The following PDE6B variants were observed in gnomAD, a reference collection of about 807,000 sequenced individuals.
The protein encoded by PDE6B is rod cGMP-specific 3',5'-cyclic phosphodiesterase subunit beta.
Under a neutral mutation model 109.0 loss-of-function variants are expected in PDE6B, and 106 were observed. The observed-to-expected ratio is 0.97, with a 90% CI of 0.83 to 1.14. The LOEUF (loss-of-function observed/expected upper bound fraction) is 1.14, where lower values mean the gene tolerates loss of function less well. PDE6B is among the 50% of genes most tolerant of loss of function. PDE6B has a pLI of 0.00. For synonymous variants in PDE6B, 490 were observed against 471.3 expected (o/e 1.04, Z -0.51); for missense variants, 1,193 against 1,155.6 (o/e 1.03, Z -0.47).
Position 625,648 on chromosome 4 carries a change from G to A in PDE6B, c.22G>A (p.Ala8Thr), listed in dbSNP as rs750974030. 3.1e-6 allele frequency: 5 copies of A among 1,613,610 alleles called. No individual in the cohort carries two copies. Among genetic ancestry groups the A allele is most frequent in the Non-Finnish European group, 4.2e-6 (5 of 1,179,612 alleles). ...CACCATGAGCCTCAGTGAGGAGCAG[G>A]CCCGGAGCTTTCTGGACCAGAACCC... MSLSEEQ[A>T]RSFLDQNPDF... Residue 8 changes from alanine (A) to threonine (T), a missense_variant, in exon 1 of 22, where the codon GCC (alanine) becomes ACC (threonine). Physicochemically the swap from Ala to Thr is moderately conservative, Grantham distance 58. Coordinates refer to ENST00000496514, the MANE Select transcript of PDE6B (RefSeq NM_000283.4). This position sits in a 1 kb window ranked among gnomAD's most constrained non-coding sequence, Gnocchi z 5.0.
intron 3 of PDE6B, among the ~76,000 whole-genome samples, chr4:642,073 G>C (rs891419388): frequency 6.6e-6 from 1 of 152,152 alleles, no homozygotes; most frequent in Admixed American, 6.5e-5. Context: ...TATTGCACTA[G>C]CTAGGACTTC....
chr4:669,513 A>C, intron 21 of PDE6B, among the ~76,000 whole-genome samples: 1 of 101,240 alleles, frequency 9.9e-6, no homozygotes, highest in Non-Finnish European at 2.0e-5. Context: ...TATTCCCACT[A>C]CCCCATGCTA....
rs574098823 is a variant in PDE6B, at chr4:634,690, G to T, written c.482G>T (p.Ser161Ile). The T allele has an allele frequency of 6.2e-7, 1 of 1,613,214 alleles. No individual in the cohort carries two copies. The highest frequency in any genetic ancestry group is 8.5e-7 in the Non-Finnish European group (1 of 1,179,132). Reference protein sequence around the residue: ...VEDVAECPHFSSFADELTDYK... With the variant: ...VEDVAECPHFISFADELTDYK... The stretch of plus-strand genomic sequence containing the variant: ...CTCTTGCGGCAGTGCCCTCACTTCA[G>T]CTCATTTGCTGACGAGCTCACTGAC... Residue 161 changes from serine to isoleucine, a missense_variant, in exon 2 of 22, where the codon AGC becomes ATC. Ser to Ile is a moderately radical substitution (Grantham distance 142). Coordinates refer to ENST00000496514, the MANE Select transcript of PDE6B (RefSeq NM_000283.4).
At position 662,388 on chromosome 4, in the gene PDE6B, C is replaced by G. The variant is rs1246255027; in HGVS notation, c.1723-121C>G. ...CCCTCTGACACCGTGCACCGCGCAC[C>G]CCAGCCCTGCGGTGGTCGGAGGTCC... On this transcript the variant is annotated intron_variant, in intron 13 of 21. Transcript: ENST00000496514. This position sits in a 1 kb window ranked among gnomAD's most constrained non-coding sequence, Gnocchi z 4.3. 1.2e-6 allele frequency: 1 copy of G among 838,040 alleles called. No individual in the cohort carries two copies. The highest frequency in any genetic ancestry group is 1.7e-5 in the African/African-American group (1 of 59,590). 51.9% of individuals were successfully genotyped at this position (838,040 alleles called of 1,614,324 possible).
At chr4:629,851 G>A (rs377645393) in intron 1 of PDE6B, among the ~76,000 whole-genome samples, 20 of 152,330 alleles carry the variant, frequency 1.3e-4, no homozygotes, top group South Asian at 4.1e-4. Context: ...GCCCCAGAGC[G>A]AGGCCCAGCT....
chr4:644,421 T>G (rs1735100704), intron 3 of PDE6B, among the ~76,000 whole-genome samples: 1 of 152,092 alleles, frequency 6.6e-6, no homozygotes. Flanking sequence ...GTGGTTTATC[T>G]TGCTGTATGC....
In PDE6B at chr4:665,018, T is replaced by C; in HGVS notation, c.2193+74T>C. 2.4e-6 allele frequency: 3 copies of C among 1,237,072 alleles called. No homozygotes were observed. The highest frequency in any genetic ancestry group is 3.6e-6 in the Non-Finnish European group (3 of 839,010). The allele number at this position is 1,237,072 out of a possible 1,614,324, so 76.6% of individuals were successfully genotyped here. A position where few individuals can be genotyped will look rare whatever the true frequency, so the allele number is the denominator to read the frequency against. On this transcript the variant is annotated intron_variant, in intron 18 of 21. Coordinates refer to ENST00000496514, the MANE Select transcript of PDE6B (RefSeq NM_000283.4). This position sits in a 1 kb window ranked among gnomAD's most constrained non-coding sequence, Gnocchi z 4.0. Reference sequence around the variant, plus strand: ...TGGGACTGCCGGGCGGGCGGGAGCCTCGGATGGCAACGGACCATTGTTTGC... The same window carrying C: ...TGGGACTGCCGGGCGGGCGGGAGCCCCGGATGGCAACGGACCATTGTTTGC...
intron 10 of PDE6B, 91 bp from the exon 11 acceptor site, chr4:658,861 C>T: frequency 1.1e-6 from 1 of 929,212 alleles, no homozygotes; most frequent in Non-Finnish European, 1.7e-6. Flanking sequence ...TTGACAGCAC[C>T]TTCCTCTAGC....
At chr4:655,695 C>T (rs1736138977) in intron 6 of PDE6B, 3 of 607,404 alleles carry the variant, frequency 4.9e-6, no homozygotes, top group Non-Finnish European at 8.9e-6. Context: ...AGCCAGAGAC[C>T]CCCAGACCCC....
intron 3 of PDE6B, chr4:653,359 G>C: frequency 9.2e-7 from 1 of 1,088,368 alleles, no homozygotes; most frequent in Non-Finnish European, 1.1e-6. Context: ...CCAGCAACCA[G>C]GGGCCTGTGC....
At chr4:634,634 A>C in intron 1 of PDE6B, 43 bp from the exon 2 acceptor site, 2 of 1,558,884 alleles carry the variant, frequency 1.3e-6, no homozygotes, top group South Asian at 2.2e-5. Flanking sequence ...CTCCAGGCCC[A>C]CGGTGCGACA....
intron 3 of PDE6B, chr4:651,489 G>GCGA (rs1482494337): frequency 1.3e-5 from 2 of 152,832 alleles, no homozygotes; most frequent in African/African-American, 4.8e-5. Flanking sequence ...GACTGAGTGT[G>GCGA]GGAGGGACGC....
intron 11 of PDE6B, among the ~76,000 whole-genome samples, chr4:659,737 C>T (rs1248405310): frequency 1.4e-5 from 2 of 147,984 alleles, no homozygotes; most frequent in East Asian, 2.0e-4. Context: ...TGTGTGTGTG[C>T]TCACATGTGC....
At chr4:653,657 C>T (rs1735809417) in intron 3 of PDE6B, 195 bp from the exon 4 acceptor site, 1 of 675,012 alleles carries the variant, frequency 1.5e-6, no homozygotes, top group Non-Finnish European at 2.6e-6. Flanking sequence ...CCAGCCAGCT[C>T]CCGGGCCCCA....
At chr4:654,329 G>A (rs1560119077) in intron 5 of PDE6B, 175 bp downstream of exon 5, 2 of 710,332 alleles carry the variant, frequency 2.8e-6, no homozygotes, top group East Asian at 2.7e-5. Flanking sequence ...CTGCACTCCA[G>A]GGATGGGGTG....
chr4:645,373 G>A (rs1447650905), intron 3 of PDE6B, among the ~76,000 whole-genome samples: 1 of 145,432 alleles, frequency 6.9e-6, no homozygotes, highest in Non-Finnish European at 1.5e-5. Context: ...TCGGCTCACT[G>A]CAAGCTCCAC....
intron 3 of PDE6B, among the ~76,000 whole-genome samples, chr4:637,837 G>A (rs1734767475): frequency 6.6e-6 from 1 of 152,194 alleles, no homozygotes; most frequent in Admixed American, 6.5e-5. Context: ...ACACATTCTG[G>A]CTTCTTCCTC....
chr4:655,423 G>A lies in PDE6B; in HGVS notation c.993-517G>A, dbSNP rs1228418495. 1.4e-5 allele frequency: 4 copies of A among 283,110 alleles called. No homozygotes were observed. The Admixed American group carries it at 2.0e-4, about 14-fold the overall frequency. The allele number at this position is 283,110 out of a possible 1,614,324, so 17.5% of individuals were successfully genotyped here. A position where few individuals can be genotyped will look rare whatever the true frequency, so the allele number is the denominator to read the frequency against. ...GACCCCATCCCCAGGCCCCAAGCAGGAACCAGGATCCAGGTGCCAGGCTTG... is the reference window on the plus strand; with the variant it reads ...GACCCCATCCCCAGGCCCCAAGCAGAAACCAGGATCCAGGTGCCAGGCTTG... On this transcript the variant is annotated intron_variant, in intron 6 of 21. Coordinates refer to ENST00000496514, the MANE Select transcript of PDE6B (RefSeq NM_000283.4).
chr4:635,832 G>A (rs767758930), intron 2 of PDE6B, 48 bp from the exon 3 acceptor site: 4 of 996,508 alleles, frequency 4.0e-6, no homozygotes, highest in South Asian at 2.5e-5. Context: ...GGGGGCACAT[G>A]TCTGAAAACT....
Sources: gnomAD v4.1 joint callset for allele counts (sites outside exome capture counted in the v4.1 genomes callset) on GRCh38, gnomAD v4.1.1 for gene constraint, Gnocchi (gnomAD v3.1) non-coding constraint, MANE v1.5 for transcripts, NCBI Gene and HGNC (gene_info 2026-07-23, HGNC 2026-07-21) for gene names.